SORBS2: variants seen among roughly 807,000 people sequenced by gnomAD.
SORBS2 encodes sorbin and SH3 domain-containing protein 2.
SORBS2 carries 46 observed loss-of-function variants against 97.7 expected under a neutral mutation model. The ratio of observed to expected loss-of-function variants is 0.47; its 90% CI spans 0.37 to 0.60. SORBS2 has a LOEUF of 0.60. SORBS2 is among the 20% of genes least tolerant of loss of function. The pLI is 0.00. For synonymous variants in SORBS2, 476 were observed against 473.4 expected (o/e 1.01, Z -0.07); for missense variants, 1,316 against 1,282.3 (o/e 1.03, Z -0.40).
intron 11 of SORBS2, among the ~76,000 whole-genome samples, chr4:185,613,646 CAAAAAAAA>C (rs35723770): frequency 1.2e-5 from 1 of 85,818 alleles, no homozygotes; most frequent in African/African-American, 4.2e-5. Flanking sequence ...CACTCCATCT[CAAAAAAAA>C]AAAAAAAAAA....
At chr4:185,931,726 A>G (rs2099266517) in intron 1 of SORBS2, among the ~76,000 whole-genome samples, 1 of 152,134 alleles carries the variant, frequency 6.6e-6, no homozygotes, top group Admixed American at 6.6e-5. Context: ...AGGACAGACC[A>G]GAGTGAGGTT....
At position 185,875,479 on chromosome 4, in the gene SORBS2, T is replaced by G. The variant is rs1004379748; in HGVS notation, c.-338+80717A>C. The stretch of plus-strand genomic sequence containing the variant: ...CCTGTGGCCAATTCCCATCGCTCTG[T>G]AACTGAGTGAGTCTGCATAGGAAGT... On this transcript the variant is annotated intron_variant, in intron 1 of 20. Coordinates refer to the SORBS2 transcript ENST00000284776. 5.9e-5 allele frequency among the ~76,000 whole-genome samples: 9 copies of G among 152,260 alleles called. No homozygotes were observed. The East Asian group carries it at 1.7e-3, about 29-fold the overall frequency.
At chr4:185,756,625 C>G (rs2098832375) in intron 2 of SORBS2, among the ~76,000 whole-genome samples, 1 of 151,846 alleles carries the variant, frequency 6.6e-6, no homozygotes, top group South Asian at 2.1e-4. Flanking sequence ...TAAGTAACAT[C>G]CAGGGATGGA....
chr4:185,891,377 G>A lies in SORBS2; in HGVS notation c.-338+64819C>T, dbSNP rs141214849. Among the ~76,000 whole-genome samples, 641 of 152,194 alleles carry A rather than the reference G, an allele frequency of 4.2e-3. 4 individuals are homozygous for A. The highest frequency in any genetic ancestry group is 0.015 in the African/African-American group (602 of 41,508). On this transcript the variant is annotated intron_variant, in intron 1 of 20. Coordinates refer to the SORBS2 transcript ENST00000284776. Reference sequence around the variant, plus strand: ...ATGACAGCCTTTCCCAAACCTACACGGCCTTTGCAAAACTAATACAAGAAC... The same window carrying A: ...ATGACAGCCTTTCCCAAACCTACACAGCCTTTGCAAAACTAATACAAGAAC...
At chr4:185,698,388 A>T (rs539209541) in intron 2 of SORBS2, among the ~76,000 whole-genome samples, 2 of 152,294 alleles carry the variant, frequency 1.3e-5, no homozygotes, top group Admixed American at 1.3e-4. Context: ...AGGCAGGAGA[A>T]TGGCTTGAAG....
intron 1 of SORBS2, among the ~76,000 whole-genome samples, chr4:185,855,135 C>A (rs191642553): frequency 3.3e-5 from 5 of 152,252 alleles, no homozygotes; most frequent in Admixed American, 3.3e-4. Flanking sequence ...TGGTCCAGGG[C>A]ATAGTTTTTC....
At chr4:185,860,259 G>T (rs1302758238) in intron 1 of SORBS2, among the ~76,000 whole-genome samples, 8 of 152,184 alleles carry the variant, frequency 5.3e-5, no homozygotes, top group Admixed American at 2.6e-4. Context: ...GGTTGATATG[G>T]TTTTTCTTCC....
chr4:185,872,255 C>G (rs1287596849), intron 1 of SORBS2, among the ~76,000 whole-genome samples: 1 of 152,124 alleles, frequency 6.6e-6, no homozygotes, highest in Non-Finnish European at 1.5e-5. Context: ...GTGTAACATA[C>G]AGTGAATGCA....
At chr4:185,624,824 A>T (rs1159053775) in intron 6 of SORBS2, among the ~76,000 whole-genome samples, 1 of 152,360 alleles carries the variant, frequency 6.6e-6, no homozygotes, top group Middle Eastern at 3.4e-3. Context: ...TTGCCAAAAC[A>T]CAATAGTGCT....
In SORBS2 at chr4:185,622,896, A is replaced by G. The variant is rs573831079; in HGVS notation, c.2215+18T>C. 36 of 1,564,488 alleles carry G rather than the reference A, an allele frequency of 2.3e-5. No individual in the cohort carries two copies. The South Asian group carries it at 3.6e-4, about 16-fold the overall frequency. On this transcript the variant is annotated intron_variant, in intron 7 of 14. Coordinates refer to ENST00000418609, the Ensembl canonical transcript of SORBS2. ...GGGTCTCTGAACCACAAGGAAAAAG[A>G]AAGAAAAGCTCATCCACCTTGGAGT...
In SORBS2 at chr4:185,816,847, T is replaced by A. The variant is rs551532965; in HGVS notation, c.-337-41481A>T. Among the ~76,000 whole-genome samples the A allele has an allele frequency of 1.9e-3, 289 of 152,220 alleles. 1 individual carries two copies. The highest frequency in any genetic ancestry group is 3.5e-3 in the Non-Finnish European group (236 of 68,016). On this transcript the variant is annotated intron_variant, in intron 1 of 20. Transcript: ENST00000284776. The stretch of plus-strand genomic sequence containing the variant: ...AGAGCAAATGATAAGAACGTAAACA[T>A]CAGCAATAAAAAACCGTTCAACAAA...
chr4:185,869,630 A>G (rs2099229269), intron 1 of SORBS2, among the ~76,000 whole-genome samples: 1 of 152,234 alleles, frequency 6.6e-6, no homozygotes, highest in African/African-American at 2.4e-5. Flanking sequence ...AGATGCTGGA[A>G]AATGTAGTTG....
At chr4:185,600,125 C>A (rs2096225853) in intron 12 of SORBS2, among the ~76,000 whole-genome samples, 1 of 152,166 alleles carries the variant, frequency 6.6e-6, no homozygotes, top group Non-Finnish European at 1.5e-5. Flanking sequence ...GCTTTCCTGG[C>A]TGGCTTTTTC....
intron 2 of SORBS2, among the ~76,000 whole-genome samples, chr4:185,725,157 C>T (rs923959172): frequency 6.6e-6 from 1 of 152,126 alleles, no homozygotes; most frequent in African/African-American, 2.4e-5. Flanking sequence ...TTGAGCATTT[C>T]TCCTGTTAAT....
At chr4:185,954,298 A>C (rs149205513) in intron 1 of SORBS2, among the ~76,000 whole-genome samples, 11 of 152,354 alleles carry the variant, frequency 7.2e-5, no homozygotes, top group African/African-American at 2.6e-4. Flanking sequence ...TAAGTAAGAC[A>C]ATAATCTCAC....
chr4:185,718,464 A>G (rs2098484179), intron 2 of SORBS2, among the ~76,000 whole-genome samples: 1 of 152,188 alleles, frequency 6.6e-6, no homozygotes, highest in African/African-American at 2.4e-5. Flanking sequence ...AAACAGGACA[A>G]ACTACTGAAA....
At chr4:185,951,045 C>A (rs1216241605) in intron 1 of SORBS2, among the ~76,000 whole-genome samples, 1 of 152,188 alleles carries the variant, frequency 6.6e-6, no homozygotes, top group African/African-American at 2.4e-5. Context: ...GATGCTACTG[C>A]AAGTGATCCC....
intron 2 of SORBS2, among the ~76,000 whole-genome samples, chr4:185,738,399 A>G (rs2098701694): frequency 6.6e-6 from 1 of 152,240 alleles, no homozygotes; most frequent in Non-Finnish European, 1.5e-5. Context: ...CATAAAGCCG[A>G]TCCCAGCCCG....
chr4:185,886,828 T>C (rs2099239909), intron 1 of SORBS2, among the ~76,000 whole-genome samples: 1 of 151,504 alleles, frequency 6.6e-6, no homozygotes, highest in Non-Finnish European at 1.5e-5. Flanking sequence ...AAGGACAATA[T>C]CACCCTTTTC....
Sources: allele counts gnomAD v4.1 joint callset (sites outside exome capture counted in the v4.1 genomes callset), GRCh38; gene constraint gnomAD v4.1.1; transcripts MANE v1.5; gene names NCBI Gene and HGNC (gene_info 2026-07-23, HGNC 2026-07-21).